The following LIFR variants were observed in gnomAD, a reference collection of about 807,000 sequenced individuals.
LIFR encodes LIF receptor subunit alpha, also known as leukemia inhibitory factor receptor.
Under a neutral mutation model 122.2 loss-of-function variants are expected in LIFR, and 84 were observed. The observed-to-expected ratio is 0.69, with a 90% CI of 0.58 to 0.82. LIFR has a LOEUF of 0.82. LIFR is among the 40% of genes least tolerant of loss of function. LIFR has a pLI of 0.00. For missense variants in LIFR, 1,294 were observed against 1,311.6 expected, an observed-to-expected ratio of 0.99 and a Z score of 0.21; for synonymous variants, 422 against 434.7, an observed-to-expected ratio of 0.97 and a Z score of 0.36.
upstream of LIFR, among the ~76,000 whole-genome samples, chr5:38,561,491 C>G (rs1046686154): frequency 2.6e-5 from 4 of 152,100 alleles, no homozygotes; most frequent in African/African-American, 9.7e-5. Context: ...CCTATCAAAC[C>G]ACTTATTGCT....
intron 2 of LIFR, among the ~76,000 whole-genome samples, chr5:38,600,581 C>G (rs1433650009): frequency 6.6e-6 from 1 of 152,252 alleles, no homozygotes; most frequent in Non-Finnish European, 1.5e-5. Flanking sequence ...CTCTCATTCA[C>G]TGAACAGTTG....
intron 1 of LIFR, among the ~76,000 whole-genome samples, chr5:38,580,259 G>T (rs1219538638): frequency 6.6e-6 from 1 of 152,138 alleles, no homozygotes; most frequent in African/African-American, 2.4e-5. Flanking sequence ...GGAAGTGGAG[G>T]TTCTTGTTTC....
chr5:38,589,176 T>A (rs995060096), intron 1 of LIFR, among the ~76,000 whole-genome samples: 41 of 151,926 alleles, frequency 2.7e-4, no homozygotes, highest in Admixed American at 2.3e-3. Flanking sequence ...TTTTATTTTT[T>A]TTTTGTATTT....
intron 13 of LIFR, among the ~76,000 whole-genome samples, chr5:38,495,435 T>C (rs1744826921): frequency 6.6e-6 from 1 of 152,222 alleles, no homozygotes; most frequent in Admixed American, 6.5e-5. Flanking sequence ...ACAACCCCTG[T>C]GCATCTCCAG....
chr5:38,486,960 C>A (rs549448919), intron 16 of LIFR, among the ~76,000 whole-genome samples: 7 of 152,306 alleles, frequency 4.6e-5, no homozygotes, highest in African/African-American at 1.7e-4. Context: ...ATTGTTATAA[C>A]TGCTTTTTCC....
intron 2 of LIFR, among the ~76,000 whole-genome samples, chr5:38,601,237 A>T (rs968502381): frequency 5.3e-5 from 8 of 152,176 alleles, no homozygotes; most frequent in African/African-American, 1.7e-4. Context: ...CAGGGAGAAT[A>T]CTGCTGTCTA....
intron 1 of LIFR, among the ~76,000 whole-genome samples, chr5:38,553,293 T>C (rs1489680231): frequency 6.6e-6 from 1 of 152,084 alleles, no homozygotes; most frequent in Non-Finnish European, 1.5e-5. Context: ...CTCAGGCCAC[T>C]TGATGTAAAA....
At chr5:38,487,158 C>G (rs941961540) in intron 16 of LIFR, among the ~76,000 whole-genome samples, 1 of 152,190 alleles carries the variant, frequency 6.6e-6, no homozygotes, top group African/African-American at 2.4e-5. Context: ...TCCTGGAGCT[C>G]CCTGCTCTCT....
intron 8 of LIFR, 128 bp from the exon 9 acceptor site, chr5:38,506,202 C>A: frequency 3.0e-6 from 2 of 663,292 alleles, no homozygotes; most frequent in East Asian, 2.7e-5. Context: ...ATTACATACT[C>A]AGAGAAGAAA....
chr5:38,545,731 G>C lies in LIFR; in HGVS notation c.-20+10603C>G, dbSNP rs868501069. On this transcript the variant is annotated intron_variant, in intron 1 of 19. Coordinates refer to ENST00000453190, the MANE Select transcript of LIFR (RefSeq NM_001127671.2). ...CAAAAAATTCGCGGGGCATGGTGGC[G>C]GGCGCCTGTAGTCCCAGCTATGTGG... Among the ~76,000 whole-genome samples the C allele has an allele frequency of 5.3e-5, 8 of 151,502 alleles. No homozygotes were observed. In the South Asian group the frequency reaches 6.3e-4, roughly 12 times the overall value.
intron 4 of LIFR, 118 bp downstream of exon 4, chr5:38,527,037 G>A: frequency 1.1e-6 from 1 of 886,664 alleles, no homozygotes; most frequent in Non-Finnish European, 1.7e-6. Context: ...TAGGGAGGTT[G>A]CTGAGTGAAT....
chr5:38,553,936 T>C (rs1748378946), intron 1 of LIFR, among the ~76,000 whole-genome samples: 1 of 151,904 alleles, frequency 6.6e-6, no homozygotes, highest in African/African-American at 2.4e-5. Flanking sequence ...TTAAAAGTTA[T>C]TAACCCCATC....
At chr5:38,538,919 C>A (rs192540102) in intron 1 of LIFR, among the ~76,000 whole-genome samples, 2 of 152,224 alleles carry the variant, frequency 1.3e-5, no homozygotes, top group Non-Finnish European at 2.9e-5. Context: ...CAATCTTCTT[C>A]CACCTCCTCT....
chr5:38,569,256 T>C (rs1749128189), intron 1 of LIFR, among the ~76,000 whole-genome samples: 1 of 152,238 alleles, frequency 6.6e-6, no homozygotes, highest in South Asian at 2.1e-4. Context: ...CAAATTAGTC[T>C]TTATTGCCTA....
Position 38,517,856 on chromosome 5 carries a change from C to CAAAAAAAAAAAAAAAAAAAAAAAAAAAA in LIFR, c.561+5562_561+5563insTTTTTTTTTTTTTTTTTTTTTTTTTTTT, listed in dbSNP as rs572954936. Among the ~76,000 whole-genome samples, 19 of 15,046 alleles carry CAAAAAAAAAAAAAAAAAAAAAAAAAAAA rather than the reference C, an allele frequency of 1.3e-3. 3 individuals are homozygous for CAAAAAAAAAAAAAAAAAAAAAAAAAAAA. Among genetic ancestry groups the CAAAAAAAAAAAAAAAAAAAAAAAAAAAA allele is most frequent in the Middle Eastern group, 0.042 (1 of 24 alleles). 9.9% of individuals were successfully genotyped at this position (15,046 alleles called of 152,430 possible). On this transcript the variant is annotated intron_variant, in intron 5 of 19. Coordinates refer to ENST00000453190, the MANE Select transcript of LIFR (RefSeq NM_001127671.2). The stretch of plus-strand genomic sequence containing the variant: ...TGTGCAACAGAGCAAGACACTGTCT[C>CAAAAAAAAAAAAAAAAAAAAAAAAAAAA]AAAAAAAAAAAAAAAAAAAAAAAAA...
intron 17 of LIFR, 31 bp from the exon 18 acceptor site, chr5:38,484,899 C>T (rs372262497): frequency 3.2e-5 from 48 of 1,481,784 alleles, no homozygotes; most frequent in Middle Eastern, 1.7e-4. Flanking sequence ...ATATTAAAAT[C>T]GCCATTTTTA....
chr5:38,514,472 T>C lies in LIFR; in HGVS notation c.562-2508A>G, dbSNP rs576591837. Among the ~76,000 whole-genome samples the C allele has an allele frequency of 5.9e-5, 9 of 152,350 alleles. 1 individual carries two copies. In the East Asian group the frequency reaches 1.5e-3, roughly 26 times the overall value. On this transcript the variant is annotated intron_variant, in intron 5 of 19. Coordinates refer to ENST00000453190, the MANE Select transcript of LIFR (RefSeq NM_001127671.2). ...CATTTTCATAAATGTGGTATCTCCATGTATTCCTTTGGTAAGCATTTTACA... is the reference window on the plus strand; with the variant it reads ...CATTTTCATAAATGTGGTATCTCCACGTATTCCTTTGGTAAGCATTTTACA...
intron 1 of LIFR, among the ~76,000 whole-genome samples, chr5:38,552,811 G>A (rs1001637489): frequency 6.6e-6 from 1 of 152,150 alleles, no homozygotes; most frequent in Non-Finnish European, 1.5e-5. Flanking sequence ...AAAGACTCCC[G>A]AATCTAAGTA....
upstream of LIFR, chr5:38,557,686 T>C (rs73749278): frequency 0.02 from 3,070 of 154,842 alleles, 84 homozygotes; most frequent in African/African-American, 0.07. Flanking sequence ...AAATGAAGCT[T>C]GTTTTGTAAA....
Sources: allele counts gnomAD v4.1 joint callset (sites outside exome capture counted in the v4.1 genomes callset), GRCh38; gene constraint gnomAD v4.1.1; transcripts MANE v1.5; gene names NCBI Gene and HGNC (gene_info 2026-07-23, HGNC 2026-07-21).